Variants in IGFBP5 observed in about 807,000 individuals in gnomAD.
The protein encoded by IGFBP5 is insulin-like growth factor-binding protein 5.
In IGFBP5, 12 loss-of-function variants were observed where a neutral mutation model predicts 28.0. That is an observed-to-expected ratio of 0.43 (90% CI 0.27 to 0.69). IGFBP5 has a LOEUF of 0.69. IGFBP5 is among the 30% of genes least tolerant of loss of function. IGFBP5 has a pLI of 0.20. For missense variants in IGFBP5, 344 were observed against 381.6 expected (o/e 0.90, Z 0.82); for synonymous variants, 152 against 150.2 (o/e 1.01, Z -0.09).
rs186264145 is a variant in IGFBP5 at position 216,678,559 on chromosome 2, G to A, written c.567+291C>T. ...TGCTCTAGGAGAATATTCAGTCTCT[G>A]CCTTGGACTGGACACAGCTGCAGGG... On this transcript the variant is annotated intron_variant, in intron 2 of 3. Coordinates refer to ENST00000233813, the MANE Select transcript of IGFBP5 (RefSeq NM_000599.4). Among the ~76,000 whole-genome samples, 25 of 152,298 alleles carry A rather than the reference G, an allele frequency of 1.6e-4. No homozygotes were observed. In the East Asian group the frequency reaches 4.4e-3, roughly 27 times the overall value.
At chr2:216,677,136 G>A (rs1160055443) in intron 3 of IGFBP5, among the ~76,000 whole-genome samples, 4 of 150,844 alleles carry the variant, frequency 2.7e-5, no homozygotes, top group Non-Finnish European at 4.4e-5. Context: ...ATGGGGTCCC[G>A]TTATGTTGCC....
At chr2:216,690,521 G>C (rs999512776) in intron 1 of IGFBP5, among the ~76,000 whole-genome samples, 1 of 151,998 alleles carries the variant, frequency 6.6e-6, no homozygotes, top group African/African-American at 2.4e-5. Context: ...TCCATTAAGG[G>C]GGCCAGGGCT....
At chr2:216,686,313 C>A (rs1241170055) in intron 1 of IGFBP5, among the ~76,000 whole-genome samples, 1 of 152,202 alleles carries the variant, frequency 6.6e-6, no homozygotes, top group Admixed American at 6.5e-5. Context: ...GGGTTCAAAT[C>A]CCAGCTCCAC....
chr2:216,676,552 T>A lies in IGFBP5; in HGVS notation c.*199A>T. 1 of 409,808 alleles carries A rather than the reference T, an allele frequency of 2.4e-6. No homozygotes were observed. The highest frequency in any genetic ancestry group is 3.7e-5 in the South Asian group (1 of 27,320). 25.4% of individuals were successfully genotyped at this position (409,808 alleles called of 1,614,324 possible). On this transcript the variant is annotated 3_prime_UTR_variant, in exon 4 of 4. Coordinates refer to ENST00000233813, the MANE Select transcript of IGFBP5 (RefSeq NM_000599.4). ...AAAGGGGGGGGGTGTCTTTTTAGCT[T>A]TTTGCATCTCTGTTGTTGCCATTTT...
At chr2:216,690,441 T>C (rs572959357) in intron 1 of IGFBP5, among the ~76,000 whole-genome samples, 9 of 152,338 alleles carry the variant, frequency 5.9e-5, no homozygotes, top group African/African-American at 1.9e-4. Context: ...AAAAGTTTCA[T>C]AGGCATTGCT....
chr2:216,682,714 GTTT>G (rs71401160), intron 1 of IGFBP5, among the ~76,000 whole-genome samples: 1 of 143,244 alleles, frequency 7.0e-6, no homozygotes, highest in East Asian at 2.1e-4. Flanking sequence ...AGCGTTTTTT[GTTT>G]TTTTTTTTTG....
intron 1 of IGFBP5, among the ~76,000 whole-genome samples, chr2:216,682,548 A>T (rs1056221949): frequency 6.6e-6 from 1 of 152,110 alleles, no homozygotes; most frequent in Admixed American, 6.5e-5. Context: ...ACCCGGGAGG[A>T]CTTCCTGGTG....
Position 216,692,251 on chromosome 2 carries a change from G to A in IGFBP5, c.337+2188C>T, listed in dbSNP as rs1247537754. On this transcript the variant is annotated intron_variant, in intron 1 of 3. Transcript: ENST00000233813. This position sits in a 1 kb window ranked among gnomAD's most constrained non-coding sequence, Gnocchi z 4.2. The stretch of plus-strand genomic sequence containing the variant: ...GGAGTCGGAGAGGAGTGCTGGGGAG[G>A]GGGCGGGTAGAAGAGGCGGCTTCGG... Among the ~76,000 whole-genome samples, 1 of 152,188 alleles carries A rather than the reference G, an allele frequency of 6.6e-6. No individual in the cohort carries two copies. Among genetic ancestry groups the A allele is most frequent in the Non-Finnish European group, 1.5e-5 (1 of 68,026 alleles).
chr2:216,685,422 G>A (rs1689023216), intron 1 of IGFBP5, among the ~76,000 whole-genome samples: 1 of 152,202 alleles, frequency 6.6e-6, no homozygotes, highest in Admixed American at 6.5e-5. Flanking sequence ...TTGCAGACCT[G>A]CAACGCTTCC....
intron 1 of IGFBP5, among the ~76,000 whole-genome samples, chr2:216,683,342 C>T (rs572043426): frequency 2.6e-5 from 4 of 152,238 alleles, no homozygotes; most frequent in African/African-American, 4.8e-5. Context: ...CTCCACTGCA[C>T]TCTAGCCTGG....
chr2:216,676,718 G>A lies in IGFBP5; in HGVS notation c.*33C>T. 1 of 1,480,528 alleles carries A rather than the reference G, an allele frequency of 6.8e-7. No homozygotes were observed. Among genetic ancestry groups the A allele is most frequent in the Non-Finnish European group, 9.2e-7 (1 of 1,083,498 alleles). 91.7% of individuals were successfully genotyped at this position (1,480,528 alleles called of 1,614,324 possible). On this transcript the variant is annotated 3_prime_UTR_variant, in exon 4 of 4. Transcript: ENST00000233813. ...TGGCTGGAGTCGGGGCTGGGGGTGG[G>A]AGGGGGTGAGGGAAAGGTTGGGGGG...
At chr2:216,689,044 A>T (rs1406845918) in intron 1 of IGFBP5, among the ~76,000 whole-genome samples, 2 of 152,152 alleles carry the variant, frequency 1.3e-5, no homozygotes, top group Non-Finnish European at 1.5e-5. Flanking sequence ...CTTTGGTGGT[A>T]TATGGTTTTC....
At chr2:216,677,718 C>T (rs925378926) in intron 3 of IGFBP5, among the ~76,000 whole-genome samples, 3 of 152,192 alleles carry the variant, frequency 2.0e-5, no homozygotes, top group South Asian at 4.1e-4. Context: ...AATCTAAGAA[C>T]CATTGCCCAA....
At chr2:216,684,024 C>T (rs745835012) in intron 1 of IGFBP5, among the ~76,000 whole-genome samples, 5 of 152,218 alleles carry the variant, frequency 3.3e-5, no homozygotes, top group Non-Finnish European at 7.3e-5. Flanking sequence ...AACATGAACA[C>T]GTGTTTGAGG....
chr2:216,691,743 C>CT (rs1466631691), intron 1 of IGFBP5, among the ~76,000 whole-genome samples: 1 of 151,028 alleles, frequency 6.6e-6, no homozygotes, highest in African/African-American at 2.4e-5. Context: ...AGAAATGCAC[C>CT]TTTTTTGGGT....
chr2:216,691,822 T>A (rs1474846196), intron 1 of IGFBP5, among the ~76,000 whole-genome samples: 1 of 142,374 alleles, frequency 7.0e-6, no homozygotes, highest in African/African-American at 2.6e-5. Flanking sequence ...TATAATTATA[T>A]AGATATAATA....
At chr2:216,686,201 C>T (rs933196391) in intron 1 of IGFBP5, among the ~76,000 whole-genome samples, 3 of 152,158 alleles carry the variant, frequency 2.0e-5, no homozygotes, top group Admixed American at 1.3e-4. Context: ...AAACCAACAG[C>T]AAAGCTGGCC....
rs1688890639 is a variant in IGFBP5 at position 216,675,816 on chromosome 2, T to G, written c.*935A>C. 6.6e-6 allele frequency: 1 copy of G among 151,406 alleles called. No homozygotes were observed. The highest frequency in any genetic ancestry group is 2.4e-5 in the African/African-American group (1 of 41,202). The allele number at this position is 151,406 out of a possible 1,614,324, so 9.4% of individuals were successfully genotyped here. On this transcript the variant is annotated 3_prime_UTR_variant, in exon 4 of 4. Coordinates refer to ENST00000233813, the MANE Select transcript of IGFBP5 (RefSeq NM_000599.4). Reference sequence around the variant, plus strand: ...TCCTGTAGATAAATACGAGCCCACTTTTTTTTTTCAGCCTATCCTCCCCCA... The same window carrying G: ...TCCTGTAGATAAATACGAGCCCACTGTTTTTTTTCAGCCTATCCTCCCCCA...
At chr2:216,677,505 G>A (rs1688917132) in intron 3 of IGFBP5, among the ~76,000 whole-genome samples, 1 of 152,196 alleles carries the variant, frequency 6.6e-6, no homozygotes, top group Admixed American at 6.5e-5. Flanking sequence ...ATTAAATGGT[G>A]AGTAACAGGA....
Sources: allele counts gnomAD v4.1 joint callset (sites outside exome capture counted in the v4.1 genomes callset), GRCh38; gene constraint gnomAD v4.1.1; non-coding constraint Gnocchi (gnomAD v3.1); transcripts MANE v1.5; gene names NCBI Gene and HGNC (gene_info 2026-07-23, HGNC 2026-07-21).